TPCN1: variants seen among roughly 807,000 people sequenced by gnomAD.
TPCN1 encodes the protein two pore segment channel 1.
TPCN1 carries 52 observed loss-of-function variants against 108.8 expected under a neutral mutation model. The observed-to-expected ratio is 0.48, with a 90% confidence interval of 0.38 to 0.60. The LOEUF (loss-of-function observed/expected upper bound fraction) is 0.60, where lower values mean the gene tolerates loss of function less well. TPCN1 is among the 20% of genes least tolerant of loss of function. The pLI is 0.00. For synonymous variants in TPCN1, 446 were observed against 433.7 expected, an observed-to-expected ratio of 1.03 and a Z score of -0.35; for missense variants, 806 against 1,072.8, an observed-to-expected ratio of 0.75 and a Z score of 3.47.
intron 2 of TPCN1, among the ~76,000 whole-genome samples, chr12:113,228,289 C>T (rs1039201571): frequency 1.3e-5 from 2 of 152,242 alleles, no homozygotes; most frequent in East Asian, 3.9e-4. Context: ...CCTCCCTCTC[C>T]TTTTTTCTTC....
chr12:113,243,062 G>A (rs1420024070), intron 2 of TPCN1, among the ~76,000 whole-genome samples: 1 of 152,218 alleles, frequency 6.6e-6, no homozygotes, highest in African/African-American at 2.4e-5. Flanking sequence ...TTGCATGTAG[G>A]TGGTCAGTCT....
At chr12:113,236,620 GAA>G (rs1314335109) in intron 2 of TPCN1, among the ~76,000 whole-genome samples, 1 of 135,222 alleles carries the variant, frequency 7.4e-6, no homozygotes. Flanking sequence ...GTCTCAAAAA[GAA>G]AAAAAAAAAA....
rs542197289 is a variant in TPCN1 at position 113,226,255 on chromosome 12, T to C, written c.-125-473T>C. 1.2e-3 allele frequency among the ~76,000 whole-genome samples: 186 copies of C among 152,210 alleles called. 1 individual carries two copies. Among genetic ancestry groups the C allele is most frequent in the African/African-American group, 4.3e-3 (180 of 41,540 alleles). ...AAAATTGAGTTTTAATTTACCATTT[T>C]ATTATTTTTTAAATTAAGATATAAT... On this transcript the variant is annotated intron_variant, in intron 1 of 27. Transcript: ENST00000335509.
At position 113,288,069 on chromosome 12, in the gene TPCN1, G is replaced by A. The variant is rs925068681; in HGVS notation, c.1635-94G>A. 76 of 1,258,224 alleles carry A rather than the reference G, an allele frequency of 6.0e-5. No homozygotes were observed. The highest frequency in any genetic ancestry group is 2.6e-4 in the Middle Eastern group (1 of 3,818). The allele number at this position is 1,258,224 out of a possible 1,614,324, so 77.9% of individuals were successfully genotyped here. A position where few individuals can be genotyped will look rare whatever the true frequency, so the allele number is the denominator to read the frequency against. On this transcript the variant is annotated intron_variant, in intron 19 of 27. Coordinates refer to ENST00000335509, the MANE Select transcript of TPCN1 (RefSeq NM_017901.6). The surrounding 1 kb of genome is among the most constrained non-coding windows in gnomAD (Gnocchi z 4.8). ...GGAGAGGCCCTCACCTGTCTTCACC[G>A]CATGGCGTGTGGAAGGCGGGGCCGG...
intron 18 of TPCN1, among the ~76,000 whole-genome samples, chr12:113,286,763 G>A (rs1956097327): frequency 1.3e-5 from 2 of 152,158 alleles, no homozygotes; most frequent in South Asian, 4.1e-4. Context: ...CTGGCCTTGG[G>A]GTCAGAGCAC....
rs117129837 is a variant in TPCN1, at chr12:113,235,723, T to C, written c.112+8759T>C. ...ATGAGTATAGAACATGCTGCTTTTG[T>C]GGTGTATAACTCTAGAAGGGTTTAG... On this transcript the variant is annotated intron_variant, in intron 2 of 27. Coordinates refer to ENST00000335509, the MANE Select transcript of TPCN1 (RefSeq NM_017901.6). Among the ~76,000 whole-genome samples, 75 of 152,158 alleles carry C rather than the reference T, an allele frequency of 4.9e-4. No homozygotes were observed. In the East Asian group the frequency reaches 0.013, roughly 27 times the overall value.
chr12:113,259,368 C>T (rs1293220569), intron 2 of TPCN1, among the ~76,000 whole-genome samples: 8 of 152,274 alleles, frequency 5.3e-5, no homozygotes, highest in African/African-American at 1.4e-4. Context: ...CCAATGAATG[C>T]GTCATTTCTT....
Position 113,295,984 on chromosome 12 carries a change from G to A in TPCN1, c.2359G>A (p.Glu787Lys), listed in dbSNP as rs756608611. The A allele has an allele frequency of 1.2e-6, 2 of 1,610,754 alleles. No individual in the cohort carries two copies. The highest frequency in any genetic ancestry group is 1.1e-5 in the South Asian group (1 of 90,808). ...GGAGTGGTATGAGGAGCATGCCAGG[G>A]AGCAAGAGCAGCAGCGACAACTCAG... ...IQEWYEEHAR[E>K]QEQQRQLSSS... Residue 787 changes from glutamate to lysine, a missense_variant, in exon 28 of 28, where the codon GAG (glutamate) becomes AAG (lysine). By Grantham distance (56) the Glu-to-Lys change is moderately conservative. Coordinates refer to ENST00000335509, the MANE Select transcript of TPCN1 (RefSeq NM_017901.6).
chr12:113,254,766 G>T (rs1390021163), intron 2 of TPCN1, among the ~76,000 whole-genome samples: 7 of 152,084 alleles, frequency 4.6e-5, no homozygotes, highest in Admixed American at 1.3e-4. Context: ...GGAGCATTTG[G>T]ATTTCAGATT....
intron 27 of TPCN1, among the ~76,000 whole-genome samples, chr12:113,293,672 AG>A (rs1956341343): frequency 6.6e-6 from 1 of 152,222 alleles, no homozygotes; most frequent in Non-Finnish European, 1.5e-5. Flanking sequence ...AAACACAGTG[AG>A]CAAAGAGGAA....
intron 2 of TPCN1, among the ~76,000 whole-genome samples, chr12:113,241,283 T>TC (rs896174935): frequency 1.3e-5 from 2 of 152,204 alleles, no homozygotes; most frequent in Admixed American, 1.3e-4. Flanking sequence ...AGCTGTCACT[T>TC]CCCCAATGTG....
intron 15 of TPCN1, among the ~76,000 whole-genome samples, chr12:113,281,032 A>G (rs574434574): frequency 3.9e-5 from 6 of 152,118 alleles, no homozygotes; most frequent in South Asian, 4.1e-4. Context: ...GATTTCATCA[A>G]TCTTACACGT....
chr12:113,237,885 C>G (rs1297262697), intron 2 of TPCN1, among the ~76,000 whole-genome samples: 4 of 152,150 alleles, frequency 2.6e-5, no homozygotes, highest in Admixed American at 6.5e-5. Context: ...CCCACTTTGC[C>G]CTCCCTAATC....
At position 113,268,746 on chromosome 12, in the gene TPCN1, C is replaced by T. The variant is rs139665021; in HGVS notation, c.533C>T (p.Ser178Leu). 862 of 1,613,406 alleles carry T rather than the reference C, an allele frequency of 5.3e-4. No homozygotes were observed. The highest frequency in any genetic ancestry group is 6.7e-4 in the Non-Finnish European group (785 of 1,179,952). Reference protein sequence around the residue: ...IRHKRTMVKTSVLVVQFVEAI... With the variant: ...IRHKRTMVKTLVLVVQFVEAI... ...CTCCATGCCTGCCACCCACAGACCT[C>T]GGTGCTGGTGGTGCAGTTTGTCGAG... is the stretch of plus-strand genomic sequence containing the variant. The change falls in exon 6 of 28, where the codon TCG (serine) becomes TTG (leucine). Residue 178 changes from serine to leucine, a missense_variant. Coordinates refer to ENST00000335509, the MANE Select transcript of TPCN1 (RefSeq NM_017901.6). The surrounding 1 kb of genome is among the most constrained non-coding windows in gnomAD (Gnocchi z 7.3).
intron 2 of TPCN1, among the ~76,000 whole-genome samples, chr12:113,243,546 G>A (rs561187736): frequency 6.6e-6 from 1 of 152,080 alleles, no homozygotes; most frequent in South Asian, 2.1e-4. Context: ...CTGAGGTCAG[G>A]ATTTTGAGAC....
intron 18 of TPCN1, 44 bp downstream of exon 18, chr12:113,286,005 GGATGGCCCCAGACCCT>G: frequency 6.4e-7 from 1 of 1,551,944 alleles, no homozygotes; most frequent in Non-Finnish European, 8.9e-7. Context: ...AGACTCTTGA[GGATGGCCCCAGACCCT>G]TCTCTGCACA....
At chr12:113,224,496 A>T (rs1252476689) in intron 1 of TPCN1, among the ~76,000 whole-genome samples, 1 of 151,846 alleles carries the variant, frequency 6.6e-6, no homozygotes, top group African/African-American at 2.4e-5. Flanking sequence ...TCCCGGGTTC[A>T]CGCCTTTCTC....
At chr12:113,236,739 C>G (rs925900386) in intron 2 of TPCN1, among the ~76,000 whole-genome samples, 1 of 152,132 alleles carries the variant, frequency 6.6e-6, no homozygotes, top group African/African-American at 2.4e-5. Context: ...GGGTCAGACC[C>G]ACTGAGTTTG....
chr12:113,293,081 G>T lies in TPCN1; in HGVS notation c.2253+8G>T. 1.2e-6 allele frequency: 2 copies of T among 1,609,078 alleles called. No homozygotes were observed. The highest frequency in any genetic ancestry group is 1.7e-6 in the Non-Finnish European group (2 of 1,177,486). Reference sequence around the variant, plus strand: ...CAGATGGAGAGATACCAGGTGAGGAGCCCAGGCCCTGGTCCGAAGGAGGGA... The same window carrying T: ...CAGATGGAGAGATACCAGGTGAGGATCCCAGGCCCTGGTCCGAAGGAGGGA... On this transcript the variant is annotated splice_region_variant and intron_variant, in intron 26 of 27. Coordinates refer to ENST00000335509, the MANE Select transcript of TPCN1 (RefSeq NM_017901.6).
Sources: gnomAD v4.1 joint callset for allele counts (sites outside exome capture counted in the v4.1 genomes callset) on GRCh38, gnomAD v4.1.1 for gene constraint, Gnocchi (gnomAD v3.1) non-coding constraint, MANE v1.5 for transcripts, NCBI Gene and HGNC (gene_info 2026-07-23, HGNC 2026-07-21) for gene names.